FOXN3: variants seen among roughly 807,000 people sequenced by gnomAD.
FOXN3 encodes forkhead box protein N3.
In FOXN3, 7 loss-of-function variants were observed where a neutral mutation model predicts 38.4. That is an observed-to-expected ratio of 0.18 (90% CI 0.10 to 0.34). FOXN3 has a LOEUF of 0.34. Ranked by LOEUF, FOXN3 falls within the 10% of genes least tolerant of loss-of-function variation. The pLI is 1.00. For synonymous variants in FOXN3, 230 were observed against 242.2 expected (o/e 0.95, Z 0.47); for missense variants, 456 against 613.4 (o/e 0.74, Z 2.71).
At chr14:89,519,678 G>A (rs1894280031) in intron 1 of FOXN3, among the ~76,000 whole-genome samples, 1 of 152,182 alleles carries the variant, frequency 6.6e-6, no homozygotes, top group Admixed American at 6.5e-5. Context: ...AAAAACAGGA[G>A]TCAGGACTAG....
At chr14:89,401,640 C>T (rs771718905) in intron 2 of FOXN3, 4 of 455,960 alleles carry the variant, frequency 8.8e-6, no homozygotes, top group Non-Finnish European at 1.8e-5. Context: ...ACTATAGCCA[C>T]GATTAGAGTC....
chr14:89,175,761 G>A (rs766419423), intron 5 of FOXN3, among the ~76,000 whole-genome samples: 19 of 152,086 alleles, frequency 1.2e-4, no homozygotes, highest in Non-Finnish European at 2.1e-4. Context: ...ATCCTCCAGC[G>A]AGCCCTGGAC....
At chr14:89,458,366 C>T (rs570509878) in intron 1 of FOXN3, among the ~76,000 whole-genome samples, 1 of 152,322 alleles carries the variant, frequency 6.6e-6, no homozygotes, top group South Asian at 2.1e-4. Flanking sequence ...TGGAGACAGC[C>T]ACTTGAGCAG....
intron 4 of FOXN3, among the ~76,000 whole-genome samples, chr14:89,278,176 C>T (rs1446654979): frequency 6.6e-6 from 1 of 152,120 alleles, no homozygotes; most frequent in Non-Finnish European, 1.5e-5. Flanking sequence ...GCTGGAGAGG[C>T]CTCACAATCA....
At chr14:89,246,399 C>T (rs147205755) in intron 4 of FOXN3, among the ~76,000 whole-genome samples, 86 of 152,196 alleles carry the variant, frequency 5.7e-4, no homozygotes, top group African/African-American at 2.0e-3. Flanking sequence ...AGACCCCTCA[C>T]CCTGAAACCA....
At chr14:89,206,172 A>T (rs1276586018) in intron 4 of FOXN3, among the ~76,000 whole-genome samples, 1 of 152,242 alleles carries the variant, frequency 6.6e-6, no homozygotes. Flanking sequence ...TTATTATAGC[A>T]GCCTGAATGG....
intron 1 of FOXN3, among the ~76,000 whole-genome samples, chr14:89,540,029 C>T (rs1423831682): frequency 5.3e-5 from 8 of 152,110 alleles, no homozygotes; most frequent in South Asian, 2.1e-4. Flanking sequence ...CTATGAAATC[C>T]GATAGCCAGA....
intron 4 of FOXN3, among the ~76,000 whole-genome samples, chr14:89,268,839 C>T (rs1055644370): frequency 6.6e-6 from 1 of 152,194 alleles, no homozygotes; most frequent in African/African-American, 2.4e-5. Flanking sequence ...GCTGTCCTGA[C>T]AGGGTTCCTG....
intron 1 of FOXN3, among the ~76,000 whole-genome samples, chr14:89,415,873 CA>C (rs1891693993): frequency 6.6e-6 from 1 of 151,480 alleles, no homozygotes; most frequent in Non-Finnish European, 1.5e-5. Flanking sequence ...CACACACACA[CA>C]CACACACACC....
intron 1 of FOXN3, among the ~76,000 whole-genome samples, chr14:89,491,922 T>C (rs1034074679): frequency 1.3e-5 from 2 of 152,236 alleles, no homozygotes; most frequent in South Asian, 2.1e-4. Context: ...TTTAGGTTCA[T>C]GTGTTTTTCT....
chr14:89,399,792 G>A (rs544827272), intron 2 of FOXN3, among the ~76,000 whole-genome samples: 7 of 152,172 alleles, frequency 4.6e-5, no homozygotes, highest in Non-Finnish European at 1.0e-4. Flanking sequence ...CGCCCTACAG[G>A]ATGCATCTAA....
At chr14:89,590,998 C>A (rs989292383) in intron 1 of FOXN3, among the ~76,000 whole-genome samples, 1 of 152,208 alleles carries the variant, frequency 6.6e-6, no homozygotes, top group Non-Finnish European at 1.5e-5. Context: ...ATGCATCAAA[C>A]CTAAGCATAA....
chr14:89,480,076 G>A (rs1893291054), intron 1 of FOXN3, among the ~76,000 whole-genome samples: 1 of 152,172 alleles, frequency 6.6e-6, no homozygotes, highest in Admixed American at 6.5e-5. Flanking sequence ...TACTGGGGCT[G>A]TAAGAACAAG....
intron 3 of FOXN3, among the ~76,000 whole-genome samples, chr14:89,294,110 C>T (rs1228316015): frequency 1.3e-5 from 2 of 152,152 alleles, no homozygotes; most frequent in Non-Finnish European, 2.9e-5. Flanking sequence ...CCTGCACTTT[C>T]CTTTCCTTTC....
Position 89,169,792 on chromosome 14 carries a change from A to G in FOXN3, c.852-6823T>C, listed in dbSNP as rs986561247. On this transcript the variant is annotated intron_variant, in intron 5 of 5. Coordinates refer to ENST00000557258, the MANE Select transcript of FOXN3 (RefSeq NM_005197.4). Reference sequence around the variant, plus strand: ...CATTAGAAAGGGGAAAAATGGAATGAGGAGTAGGAGAATCAATTTAAAATA... The same window carrying G: ...CATTAGAAAGGGGAAAAATGGAATGGGGAGTAGGAGAATCAATTTAAAATA... Among the ~76,000 whole-genome samples, 26 of 152,236 alleles carry G rather than the reference A, an allele frequency of 1.7e-4. 1 individual carries two copies. Among genetic ancestry groups the G allele is most frequent in the Admixed American group, 1.3e-4 (2 of 15,282 alleles).
chr14:89,596,488 T>A (rs1896059532), intron 1 of FOXN3, among the ~76,000 whole-genome samples: 1 of 152,238 alleles, frequency 6.6e-6, no homozygotes, highest in Admixed American at 6.5e-5. Flanking sequence ...CCTGGAATGT[T>A]CCTTTCTTAT....
At chr14:89,482,568 C>T (rs911274432) in intron 1 of FOXN3, among the ~76,000 whole-genome samples, 1 of 151,390 alleles carries the variant, frequency 6.6e-6, no homozygotes, top group African/African-American at 2.4e-5. Context: ...AAGCCATGAT[C>T]ACGCCACTGC....
chr14:89,363,967 T>TTG lies in FOXN3; in HGVS notation c.544-13160_544-13159insCA, dbSNP rs1890021972. On this transcript the variant is annotated intron_variant, in intron 2 of 5. Coordinates refer to ENST00000557258, the MANE Select transcript of FOXN3 (RefSeq NM_005197.4). ...TGTAAAATATATATATATATATATA[T>TTG]ATATATATATATATATATATAATAT... 2.0e-5 allele frequency among the ~76,000 whole-genome samples: 2 copies of TTG among 98,612 alleles called. 1 individual carries two copies. The highest frequency in any genetic ancestry group is 1.8e-4 in the Admixed American group (2 of 10,884). The allele number at this position is 98,612 out of a possible 152,430, so 64.7% of individuals were successfully genotyped here.
intron 1 of FOXN3, among the ~76,000 whole-genome samples, chr14:89,559,416 G>A (rs1895201111): frequency 6.6e-6 from 1 of 151,994 alleles, no homozygotes; most frequent in Non-Finnish European, 1.5e-5. Context: ...GGTGGCTCAC[G>A]CCTGTAATCC....
Sources: allele counts gnomAD v4.1 joint callset (sites outside exome capture counted in the v4.1 genomes callset), GRCh38; gene constraint gnomAD v4.1.1; transcripts MANE v1.5; gene names NCBI Gene and HGNC (gene_info 2026-07-23, HGNC 2026-07-21).